The following LRRC69 variants were observed in gnomAD, a reference collection of about 807,000 sequenced individuals.
LRRC69 encodes leucine-rich repeat-containing protein 69.
LRRC69 carries 42 observed loss-of-function variants against 37.8 expected under a neutral mutation model. The observed-to-expected ratio is 1.11, with a 90% CI of 0.87 to 1.44. The LOEUF is 1.44. Among genes scored for constraint, LRRC69 ranks in the 40% most tolerant of loss-of-function variants. The probability of loss-of-function intolerance (pLI) is 0.00; values close to 1 mark genes in which losing one functional copy is unlikely to be tolerated. For missense variants in LRRC69, 357 were observed against 401.9 expected (o/e 0.89, Z 0.96); for synonymous variants, 141 against 143.1 (o/e 0.99, Z 0.11).
chr8:91,176,134 A>ATATATATATATTT lies in LRRC69; in HGVS notation c.652-13387_652-13386insATATATATATTTT. On this transcript the variant is annotated intron_variant, in intron 5 of 7. Transcript: ENST00000448384. The stretch of plus-strand genomic sequence containing the variant: ...ATCCCTCATATATATATATATATAT[A>ATATATATATATTT]TTTTTTTTTTTTCTTTTTTTTGAGA... Among the ~76,000 whole-genome samples the ATATATATATATTT allele has an allele frequency of 8.7e-3, 658 of 75,582 alleles. 5 individuals are homozygous for ATATATATATATTT. The highest frequency in any genetic ancestry group is 0.021 in the Middle Eastern group (2 of 94). 49.6% of individuals were successfully genotyped at this position (75,582 alleles called of 152,430 possible).
intron 5 of LRRC69, 38 bp from the exon 6 acceptor site, chr8:91,189,484 T>C (rs759217823): frequency 6.8e-6 from 9 of 1,320,484 alleles, no homozygotes; most frequent in Non-Finnish European, 8.5e-6. Context: ...AGTTTCATTA[T>C]TTTGTTGTGC....
At chr8:91,108,029 T>C (rs1403317512) in intron 1 of LRRC69, among the ~76,000 whole-genome samples, 1 of 152,050 alleles carries the variant, frequency 6.6e-6, no homozygotes, top group African/African-American at 2.4e-5. Context: ...ATAGCCATCA[T>C]CTCTAATTGT....
intron 5 of LRRC69, among the ~76,000 whole-genome samples, chr8:91,165,756 A>T (rs918522443): frequency 1.3e-5 from 2 of 151,860 alleles, no homozygotes; most frequent in African/African-American, 2.4e-5. Flanking sequence ...GGGTGAAAAC[A>T]TCAGACAGAG....
At chr8:91,179,383 G>C (rs963479566) in intron 5 of LRRC69, among the ~76,000 whole-genome samples, 3 of 152,106 alleles carry the variant, frequency 2.0e-5, no homozygotes, top group African/African-American at 7.2e-5. Context: ...CCAGTGTCAT[G>C]AGAACTCACC....
At chr8:91,207,698 G>T (rs563833375) in intron 7 of LRRC69, among the ~76,000 whole-genome samples, 3 of 152,312 alleles carry the variant, frequency 2.0e-5, no homozygotes, top group African/African-American at 7.2e-5. Context: ...AGTTAATATT[G>T]TGCAAATATA....
intron 5 of LRRC69, among the ~76,000 whole-genome samples, chr8:91,164,763 T>C (rs1809000262): frequency 6.6e-6 from 1 of 151,736 alleles, no homozygotes. Flanking sequence ...TAAGGTACTT[T>C]TCTCAATTTC....
chr8:91,132,307 A>C (rs749242927), intron 3 of LRRC69, among the ~76,000 whole-genome samples: 3 of 151,970 alleles, frequency 2.0e-5, no homozygotes, highest in Non-Finnish European at 2.9e-5. Context: ...TTAAAATAAG[A>C]GTAGTAATTC....
At chr8:91,208,308 A>G (rs1004346347) in intron 7 of LRRC69, among the ~76,000 whole-genome samples, 7 of 152,130 alleles carry the variant, frequency 4.6e-5, no homozygotes, top group Admixed American at 6.6e-5. Flanking sequence ...AAAATTGTTT[A>G]TATAAGTGAG....
intron 5 of LRRC69, among the ~76,000 whole-genome samples, chr8:91,151,486 G>A (rs1808736408): frequency 6.6e-6 from 1 of 151,642 alleles, no homozygotes; most frequent in Admixed American, 6.6e-5. Context: ...TACATTTGCT[G>A]AGGAGTGCTT....
chr8:91,197,565 G>T (rs1220677344), intron 6 of LRRC69, among the ~76,000 whole-genome samples: 1 of 151,992 alleles, frequency 6.6e-6, no homozygotes, highest in Admixed American at 6.5e-5. Flanking sequence ...TTTTAAGCCC[G>T]TCGGAAAAGC....
chr8:91,126,349 A>C (rs1813712621), intron 2 of LRRC69, among the ~76,000 whole-genome samples: 1 of 152,004 alleles, frequency 6.6e-6, no homozygotes, highest in Non-Finnish European at 1.5e-5. Flanking sequence ...CCATGGGCTG[A>C]AGCTGGTTCA....
chr8:91,114,174 G>A (rs1286908725), intron 1 of LRRC69, among the ~76,000 whole-genome samples: 1 of 151,864 alleles, frequency 6.6e-6, no homozygotes, highest in African/African-American at 2.4e-5. Context: ...TATTCACAAG[G>A]ATGTGGAGAA....
chr8:91,139,370 T>C (rs927896648), intron 5 of LRRC69, among the ~76,000 whole-genome samples: 1 of 151,766 alleles, frequency 6.6e-6, no homozygotes, highest in Non-Finnish European at 1.5e-5. Flanking sequence ...TTAAACCCCA[T>C]CTCTACTAAA....
In LRRC69 at chr8:91,176,242, C is replaced by A. The variant is rs184684922; in HGVS notation, c.652-13280C>A. Among the ~76,000 whole-genome samples, 3 of 151,298 alleles carry A rather than the reference C, an allele frequency of 2.0e-5. No homozygotes were observed. The East Asian group carries it at 5.8e-4, about 29-fold the overall frequency. On this transcript the variant is annotated intron_variant, in intron 5 of 7. Coordinates refer to ENST00000448384, the Ensembl canonical transcript of LRRC69. ...CTCCGCCTCCTGGGTTCAAGCGATT[C>A]CCCTGCCTCAGCCTCCTGAGTAGCT... is the stretch of plus-strand genomic sequence containing the variant.
At chr8:91,121,440 C>T (rs2130497649) in intron 1 of LRRC69, among the ~76,000 whole-genome samples, 1 of 152,192 alleles carries the variant, frequency 6.6e-6, no homozygotes, top group South Asian at 2.1e-4. Flanking sequence ...GAGTGTTCCT[C>T]TACCTGCAGT....
At chr8:91,120,291 T>A (rs1813596396) in intron 1 of LRRC69, among the ~76,000 whole-genome samples, 1 of 152,140 alleles carries the variant, frequency 6.6e-6, no homozygotes. Flanking sequence ...TTTTCCTTTT[T>A]AAAATACTTT....
chr8:91,105,848 A>G (rs1003904961), intron 1 of LRRC69, among the ~76,000 whole-genome samples: 3 of 151,918 alleles, frequency 2.0e-5, no homozygotes, highest in East Asian at 1.9e-4. Flanking sequence ...CAAATAAGCA[A>G]TGAGGACCAT....
intron 5 of LRRC69, among the ~76,000 whole-genome samples, chr8:91,148,893 G>A (rs1422746942): frequency 6.6e-6 from 1 of 151,890 alleles, no homozygotes; most frequent in Non-Finnish European, 1.5e-5. Flanking sequence ...TTTGAGAAAT[G>A]TCTGTTCATA....
intron 5 of LRRC69, among the ~76,000 whole-genome samples, 171 bp downstream of exon 5, chr8:91,135,910 C>G (rs916964477): frequency 6.6e-6 from 1 of 151,632 alleles, no homozygotes; most frequent in Non-Finnish European, 1.5e-5. Flanking sequence ...CTGTTTTTTT[C>G]TTTGTGTTCT....
Sources: allele counts gnomAD v4.1 joint callset (sites outside exome capture counted in the v4.1 genomes callset), GRCh38; gene constraint gnomAD v4.1.1; transcripts MANE v1.5; gene names NCBI Gene and HGNC (gene_info 2026-07-23, HGNC 2026-07-21).